Variants in MYOM2 observed in about 807,000 individuals in gnomAD.
MYOM2 encodes the protein myomesin-2.
A neutral mutation model predicts 187.6 loss-of-function variants in MYOM2; 254 were observed. The ratio of observed to expected loss-of-function variants is 1.35; its 90% CI spans 1.22 to 1.50. The LOEUF (loss-of-function observed/expected upper bound fraction) is 1.50, where lower values mean the gene tolerates loss of function less well. Ranked by LOEUF, MYOM2 falls within the 40% of genes most tolerant of loss-of-function variation. MYOM2 has a pLI of 0.00. For synonymous variants in MYOM2, 981 were observed against 753.8 expected, an observed-to-expected ratio of 1.30 and a Z score of -4.94; for missense variants, 2,796 against 1,924.0, an observed-to-expected ratio of 1.45 and a Z score of -8.48.
In MYOM2 at chr8:2,100,895, G is replaced by A. The variant is rs35441835; in HGVS notation, c.2460G>A (p.Thr820=). ...MPEPGPAYDL[T]FCEVRDTSLV... The stretch of plus-strand genomic sequence containing the variant: ...TCACAGGTCCTGCCTACGACTTGAC[G>A]TTCTGTGAGGTCAGGGACACGTCCT... Residue 820 remains threonine (T), a synonymous_variant, in exon 20 of 37, where the codon ACG becomes ACA. Transcript: ENST00000262113. The A allele has an allele frequency of 2.4e-3, 3,847 of 1,614,190 alleles. 15 individuals carry two copies. Among genetic ancestry groups the A allele is most frequent in the Non-Finnish European group, 3.1e-3 (3,606 of 1,180,040 alleles).
chr8:2,082,317 C>G (rs769220698), intron 13 of MYOM2: 9 of 152,194 alleles, frequency 5.9e-5, no homozygotes, highest in African/African-American at 1.7e-4. Flanking sequence ...TATAATGTTT[C>G]GAAGCGAACC....
At chr8:2,069,221 G>A (rs1354161753) in intron 6 of MYOM2, 57 bp from the exon 7 acceptor site, 3 of 1,529,794 alleles carry the variant, frequency 2.0e-6, no homozygotes, top group African/African-American at 2.8e-5. Flanking sequence ...TGCAATTCGG[G>A]TCACTGACTT....
chr8:2,092,374 T>C lies in MYOM2; in HGVS notation c.1857T>C (p.Leu619=). 6.2e-7 allele frequency: 1 copy of C among 1,614,122 alleles called. No individual in the cohort carries two copies. Among genetic ancestry groups the C allele is most frequent in the Non-Finnish European group, 8.5e-7 (1 of 1,180,010 alleles). The change falls in exon 16 of 37, where the codon CTT becomes CTC. Residue 619 remains leucine, a synonymous_variant. Transcript: ENST00000262113. ...TVVPSAPGRV[L]ASRNTKTSVV... ...TCCCTTCTGCTCCGGGTCGGGTTCTTGCTTCCCGAAACACCAAGACGTCGG... is the reference window on the plus strand; with the variant it reads ...TCCCTTCTGCTCCGGGTCGGGTTCTCGCTTCCCGAAACACCAAGACGTCGG...
intron 3 of MYOM2, among the ~76,000 whole-genome samples, chr8:2,054,297 G>A (rs1472724650): frequency 6.6e-6 from 1 of 152,046 alleles, no homozygotes; most frequent in Non-Finnish European, 1.5e-5. Flanking sequence ...ACGTCCTTCT[G>A]GAAGATACGA....
chr8:2,111,823 T>C (rs1797077852), intron 25 of MYOM2, among the ~76,000 whole-genome samples: 1 of 152,238 alleles, frequency 6.6e-6, no homozygotes, highest in African/African-American at 2.4e-5. Context: ...TTTCTATCAT[T>C]GTAGATGTAC....
Position 2,076,274 on chromosome 8 carries a change from T to C in MYOM2, c.1254T>C (p.Phe418=). The change falls in exon 11 of 37, where the codon TTT becomes TTC. Residue 418 remains phenylalanine, a synonymous_variant. Transcript: ENST00000262113. ...CTGAGAGCCCCGTCATGGGCTATTT[T>C]GTGGACCGGTGAGCGTCTTGCATTC... The part of the protein sequence containing the change: ...TTTESPVMGY[F]VDRCEVGTNN... The C allele has an allele frequency of 6.2e-7, 1 of 1,613,574 alleles. No individual in the cohort carries two copies. Among genetic ancestry groups the C allele is most frequent in the South Asian group, 1.1e-5 (1 of 90,908 alleles).
intron 16 of MYOM2, among the ~76,000 whole-genome samples, chr8:2,093,250 A>G (rs997545557): frequency 6.6e-6 from 1 of 152,210 alleles, no homozygotes; most frequent in African/African-American, 2.4e-5. Context: ...TAACAATTAG[A>G]TGTTCTTCAC....
chr8:2,066,299 C>G (rs761179711), intron 6 of MYOM2, among the ~76,000 whole-genome samples: 4 of 152,206 alleles, frequency 2.6e-5, no homozygotes, highest in African/African-American at 9.6e-5. Context: ...TGTGCGTTCA[C>G]AGGACAGGCT....
chr8:2,111,106 C>A (rs773864019), intron 25 of MYOM2, among the ~76,000 whole-genome samples: 1 of 152,150 alleles, frequency 6.6e-6, no homozygotes, highest in African/African-American at 2.4e-5. Flanking sequence ...ACTTTATTTG[C>A]GGGATATCTT....
chr8:2,074,288 C>T (rs769132829), intron 10 of MYOM2, among the ~76,000 whole-genome samples: 2 of 152,044 alleles, frequency 1.3e-5, no homozygotes, highest in Non-Finnish European at 2.9e-5. Context: ...CTCAGTTTTC[C>T]AGATGAATCC....
In MYOM2 at chr8:2,072,212, C is replaced by G. The variant is rs369697372; in HGVS notation, c.794-133C>G. 8.8e-6 allele frequency: 4 copies of G among 452,418 alleles called. No individual in the cohort carries two copies. The East Asian group carries it at 1.7e-4, about 19-fold the overall frequency. The allele number at this position is 452,418 out of a possible 1,614,324, so 28.0% of individuals were successfully genotyped here. A position where few individuals can be genotyped will look rare whatever the true frequency, so the allele number is the denominator to read the frequency against. On this transcript the variant is annotated intron_variant, in intron 8 of 36. Coordinates refer to ENST00000262113, the MANE Select transcript of MYOM2 (RefSeq NM_003970.4). ...CACCACTGCACTCCAACCTGGACAACAGAGCGAGACTCCGTCCCCCCGCCC... is the reference window on the plus strand; with the variant it reads ...CACCACTGCACTCCAACCTGGACAAGAGAGCGAGACTCCGTCCCCCCGCCC...
intron 6 of MYOM2, 55 bp downstream of exon 6, chr8:2,059,300 C>A: frequency 6.6e-7 from 1 of 1,523,322 alleles, no homozygotes. Context: ...GCATTGCAGA[C>A]CCCAAAGAAG....
chr8:2,106,555 G>A lies in MYOM2; in HGVS notation c.2956G>A (p.Asp986Asn). 1 of 1,611,032 alleles carries A rather than the reference G, an allele frequency of 6.2e-7. No individual in the cohort carries two copies. The highest frequency in any genetic ancestry group is 8.5e-7 in the Non-Finnish European group (1 of 1,177,340). ...DLGTYSVSVS[D>N]TDGVSSSFVL... ...AGGGACTTACTCCGTGTCTGTAAGT[G>A]ATACAGACGGAGTGTCCTCCAGTTT... is the stretch of plus-strand genomic sequence containing the variant. Residue 986 changes from aspartate (D) to asparagine (N), a missense_variant, in exon 23 of 37, where the codon GAT becomes AAT. Physicochemically the swap from Asp to Asn is conservative, Grantham distance 23. Transcript: ENST00000262113.
chr8:2,093,964 T>C lies in MYOM2; in HGVS notation c.2004-6T>C, dbSNP rs777107818. ...CAGTTCTGACCCTGATCCCTGTGTT[T>C]CTCAGGTTCGTGGTGCACGGCTTAA... On this transcript the variant is annotated splice_region_variant and splice_polypyrimidine_tract_variant and intron_variant, in intron 16 of 36. Transcript: ENST00000262113. 1.5e-5 allele frequency: 25 copies of C among 1,613,828 alleles called. No individual in the cohort carries two copies. Among genetic ancestry groups the C allele is most frequent in the Middle Eastern group, 1.7e-4 (1 of 6,006 alleles).
chr8:2,120,108 C>G (rs1797376021), intron 28 of MYOM2, among the ~76,000 whole-genome samples: 1 of 152,066 alleles, frequency 6.6e-6, no homozygotes, highest in African/African-American at 2.4e-5. Flanking sequence ...GTGGAGATAG[C>G]TCGTAGTGGC....
chr8:2,072,674 C>T (rs1380808636), intron 9 of MYOM2, among the ~76,000 whole-genome samples, 165 bp downstream of exon 9: 2 of 152,224 alleles, frequency 1.3e-5, no homozygotes, highest in African/African-American at 2.4e-5. Flanking sequence ...CACCGTTCGC[C>T]TTGAACTTCA....
Position 2,145,212 on chromosome 8 carries a change from A to G in MYOM2, c.*231A>G. On this transcript the variant is annotated 3_prime_UTR_variant, in exon 37 of 37. Transcript: ENST00000262113. ...ACAACGTGTATTTACACGAGGGTAG[A>G]CGGCAGATGCCTGACAGAGAGTGGG... is the stretch of plus-strand genomic sequence containing the variant. 1.7e-6 allele frequency: 1 copy of G among 588,360 alleles called. No individual in the cohort carries two copies. Among genetic ancestry groups the G allele is most frequent in the East Asian group, 2.9e-5 (1 of 34,724 alleles). 36.4% of individuals were successfully genotyped at this position (588,360 alleles called of 1,614,324 possible).
At chr8:2,087,742 C>G (rs1453154107) in intron 14 of MYOM2, among the ~76,000 whole-genome samples, 2 of 152,236 alleles carry the variant, frequency 1.3e-5, no homozygotes, top group East Asian at 3.9e-4. Context: ...CCCTAACACC[C>G]AGAGTAGCTG....
chr8:2,058,757 G>A (rs1818755850), intron 5 of MYOM2, among the ~76,000 whole-genome samples: 1 of 152,144 alleles, frequency 6.6e-6, no homozygotes, highest in African/African-American at 2.4e-5. Context: ...GAGCCATGAA[G>A]CCAGCTTCCT....
Sources: allele counts gnomAD v4.1 joint callset (sites outside exome capture counted in the v4.1 genomes callset), GRCh38; gene constraint gnomAD v4.1.1; transcripts MANE v1.5; gene names NCBI Gene and HGNC (gene_info 2026-07-23, HGNC 2026-07-21).